LRRTM4: variants seen among roughly 807,000 people sequenced by gnomAD.
LRRTM4 encodes the protein leucine-rich repeat transmembrane neuronal protein 4.
In LRRTM4, 25 loss-of-function variants were observed where a neutral mutation model predicts 47.6. The observed-to-expected ratio is 0.53, with a 90% confidence interval of 0.38 to 0.73. The LOEUF (loss-of-function observed/expected upper bound fraction) is 0.73, where lower values mean the gene tolerates loss of function less well. Ranked by LOEUF, LRRTM4 falls within the 30% of genes least tolerant of loss-of-function variation. The probability of loss-of-function intolerance (pLI) is 0.00; values close to 1 mark genes in which losing one functional copy is unlikely to be tolerated. For missense variants in LRRTM4, 638 were observed against 713.4 expected, an observed-to-expected ratio of 0.89 and a Z score of 1.20; for synonymous variants, 311 against 269.5, an observed-to-expected ratio of 1.15 and a Z score of -1.51.
intron 3 of LRRTM4, among the ~76,000 whole-genome samples, chr2:77,504,308 A>G (rs1039788093): frequency 2.6e-5 from 4 of 151,596 alleles, no homozygotes; most frequent in Admixed American, 1.3e-4. Flanking sequence ...TGTCACATCG[A>G]CCATATGGCC....
chr2:77,410,406 T>TA (rs1674373214), intron 3 of LRRTM4, among the ~76,000 whole-genome samples: 1 of 152,166 alleles, frequency 6.6e-6, no homozygotes, highest in East Asian at 1.9e-4. Flanking sequence ...TTAGATATCT[T>TA]AAGCCCTAAA....
intron 3 of LRRTM4, among the ~76,000 whole-genome samples, chr2:77,368,190 G>T (rs971842455): frequency 1.3e-5 from 2 of 151,538 alleles, no homozygotes; most frequent in East Asian, 3.9e-4. Context: ...GTGTGGGCAG[G>T]TGCCCTAGCT....
At chr2:77,057,475 A>G (rs1679647432) in intron 3 of LRRTM4, among the ~76,000 whole-genome samples, 1 of 152,218 alleles carries the variant, frequency 6.6e-6, no homozygotes, top group Admixed American at 6.5e-5. Flanking sequence ...CTAGCTCACA[A>G]ATAGTAACAT....
intron 3 of LRRTM4, among the ~76,000 whole-genome samples, chr2:76,939,338 C>T (rs1179535778): frequency 6.6e-6 from 1 of 152,096 alleles, no homozygotes; most frequent in Non-Finnish European, 1.5e-5. Flanking sequence ...TTTGTTACTC[C>T]ACTACTCCTA....
rs141348781 is a variant in LRRTM4, at chr2:77,332,995, G to C, written c.1551+185323C>G. Among the ~76,000 whole-genome samples the C allele has an allele frequency of 8.0e-3, 1,224 of 152,240 alleles. 21 individuals are homozygous for C. Among genetic ancestry groups the C allele is most frequent in the African/African-American group, 0.029 (1,187 of 41,546 alleles). ...CGGGTCTTTCCTGGGCTGTTCTCAC[G>C]TTAGTGAATGAGTCTCATGATATCT... On this transcript the variant is annotated intron_variant, in intron 3 of 3. Coordinates refer to ENST00000409884, the MANE Select transcript of LRRTM4 (RefSeq NM_001134745.3).
At chr2:76,998,222 G>A (rs1430109904) in intron 3 of LRRTM4, among the ~76,000 whole-genome samples, 2 of 151,968 alleles carry the variant, frequency 1.3e-5, no homozygotes, top group African/African-American at 4.8e-5. Context: ...GCTGATCTAT[G>A]GAGTATCTGT....
chr2:76,861,109 C>T (rs1034468529), intron 3 of LRRTM4, among the ~76,000 whole-genome samples: 1 of 151,890 alleles, frequency 6.6e-6, no homozygotes, highest in African/African-American at 2.4e-5. Context: ...TTTGATAAAA[C>T]ATTTTGCCTC....
chr2:77,345,211 T>A (rs1044905159), intron 3 of LRRTM4, among the ~76,000 whole-genome samples: 1 of 151,044 alleles, frequency 6.6e-6, no homozygotes, highest in Non-Finnish European at 1.5e-5. Context: ...AACAAACACA[T>A]CAACAATCAT....
chr2:77,170,626 AAG>A (rs1187191445), intron 3 of LRRTM4, among the ~76,000 whole-genome samples: 1 of 152,128 alleles, frequency 6.6e-6, no homozygotes, highest in African/African-American at 2.4e-5. Flanking sequence ...CATTTTTCCA[AAG>A]AGAGTTTAAA....
chr2:77,362,133 G>GAAAGA (rs1553434396), intron 3 of LRRTM4, among the ~76,000 whole-genome samples: 1,678 of 115,522 alleles, frequency 0.015, 21 homozygotes, highest in Non-Finnish European at 0.022. Context: ...AAGAAAGAAA[G>GAAAGA]AAAGAAAGAA....
intron 3 of LRRTM4, among the ~76,000 whole-genome samples, chr2:77,056,204 T>C (rs13430336): frequency 0.4 from 60,635 of 151,178 alleles, 12,231 homozygotes; most frequent in East Asian, 0.45. Context: ...AAAAAGCTAA[T>C]GTGAGAATAA....
chr2:77,089,669 C>T (rs1558573980), intron 3 of LRRTM4, among the ~76,000 whole-genome samples: 3 of 152,054 alleles, frequency 2.0e-5, no homozygotes, highest in African/African-American at 4.8e-5. Context: ...CCTTCTACTC[C>T]CCTGGCCTGT....
At chr2:77,000,258 C>T (rs1390200425) in intron 3 of LRRTM4, among the ~76,000 whole-genome samples, 1 of 151,280 alleles carries the variant, frequency 6.6e-6, no homozygotes, top group African/African-American at 2.4e-5. Flanking sequence ...GCAATTTCTT[C>T]TTTTGGACTG....
chr2:77,504,571 T>C (rs1339695999), intron 3 of LRRTM4, among the ~76,000 whole-genome samples: 2 of 151,580 alleles, frequency 1.3e-5, no homozygotes, highest in Non-Finnish European at 3.0e-5. Context: ...AAAAAATCAA[T>C]AAATCTGTAG....
At chr2:77,108,314 AAGG>A (rs1159750043) in intron 3 of LRRTM4, among the ~76,000 whole-genome samples, 1 of 152,036 alleles carries the variant, frequency 6.6e-6, no homozygotes, top group African/African-American at 2.4e-5. Context: ...GAAGGAGTAG[AAGG>A]AGAACGAGAA....
chr2:76,818,735 GCA>G (rs1488641652), intron 3 of LRRTM4, among the ~76,000 whole-genome samples: 2 of 151,480 alleles, frequency 1.3e-5, no homozygotes, highest in Non-Finnish European at 3.0e-5. Flanking sequence ...GCAGACACAT[GCA>G]CACAAACATA....
intron 3 of LRRTM4, among the ~76,000 whole-genome samples, chr2:77,495,266 A>G (rs1157439794): frequency 1.3e-5 from 2 of 152,086 alleles, no homozygotes; most frequent in African/African-American, 2.4e-5. Flanking sequence ...TACTAGCAAT[A>G]TATGAAAGTT....
At chr2:77,039,267 C>T (rs1265890737) in intron 3 of LRRTM4, among the ~76,000 whole-genome samples, 1 of 150,078 alleles carries the variant, frequency 6.7e-6, no homozygotes, top group African/African-American at 2.4e-5. Context: ...AAGTCTGAGT[C>T]GGGGACATAT....
At chr2:77,276,696 T>C (rs1421024924) in intron 3 of LRRTM4, among the ~76,000 whole-genome samples, 1 of 84,194 alleles carries the variant, frequency 1.2e-5, no homozygotes, top group African/African-American at 7.3e-5. Flanking sequence ...CATATATATA[T>C]ATATATATAT....
Sources: allele counts gnomAD v4.1 joint callset (sites outside exome capture counted in the v4.1 genomes callset), GRCh38; gene constraint gnomAD v4.1.1; transcripts MANE v1.5; gene names NCBI Gene and HGNC (gene_info 2026-07-23, HGNC 2026-07-21).